Variants in MCM9 observed in about 807,000 individuals in gnomAD.
MCM9 encodes the protein minichromosome maintenance 9 homologous recombination repair factor.
A neutral mutation model predicts 72.8 loss-of-function variants in MCM9; 55 were observed. That is an observed-to-expected ratio of 0.76 (90% CI 0.61 to 0.95). The LOEUF (loss-of-function observed/expected upper bound fraction) is 0.95, where lower values mean the gene tolerates loss of function less well. MCM9 is among the 40% of genes least tolerant of loss of function. The probability of loss-of-function intolerance (pLI) is 0.00; values close to 1 mark genes in which losing one functional copy is unlikely to be tolerated. For missense variants in MCM9, 1,279 were observed against 1,377.0 expected (o/e 0.93, Z 1.13); for synonymous variants, 480 against 503.4 (o/e 0.95, Z 0.62).
chr6:118,854,366 T>C (rs1000105068), intron 9 of MCM9, among the ~76,000 whole-genome samples: 1 of 152,166 alleles, frequency 6.6e-6, no homozygotes, highest in African/African-American at 2.4e-5. Context: ...GTTGTTGTTG[T>C]TTTTAGACAG....
chr6:118,815,114 C>G lies in MCM9; in HGVS notation c.3142G>C (p.Gly1048Arg), dbSNP rs567816821. 9 of 1,550,412 alleles carry G rather than the reference C, an allele frequency of 5.8e-6. No homozygotes were observed. The highest frequency in any genetic ancestry group is 7.8e-6 in the Non-Finnish European group (9 of 1,146,970). Residue 1048 changes from glycine to arginine, a missense_variant, in exon 14 of 14, where the codon GGC (glycine) becomes CGC (arginine). Transcript: ENST00000619706. ...GCTAATGTGCAGGCATGAACCTTGCCGCTTTTATTACTGCCTGAAACCTCT... is the reference window on the plus strand; with the variant it reads ...GCTAATGTGCAGGCATGAACCTTGCGGCTTTTATTACTGCCTGAAACCTCT... ...KEEVSGSNKS[G>R]KVHACTLARL...
At chr6:118,817,090 T>C (rs1773455656) in intron 13 of MCM9, among the ~76,000 whole-genome samples, 1 of 151,962 alleles carries the variant, frequency 6.6e-6, no homozygotes, top group African/African-American at 2.4e-5. Context: ...ATCTTGGGCA[T>C]ATTAGAAACT....
At chr6:118,830,009 A>G (rs284918) in intron 9 of MCM9, among the ~76,000 whole-genome samples, 8,722 of 152,206 alleles carry the variant, frequency 0.057, 366 homozygotes, top group East Asian at 0.19. Context: ...AGGACTGTGG[A>G]CAGGATGCAG....
rs184477504 is a variant in MCM9 at position 118,897,785 on chromosome 6, C to G, written c.1150+13865G>C. On this transcript the variant is annotated intron_variant, in intron 8 of 13. Coordinates refer to ENST00000619706, the MANE Select transcript of MCM9 (RefSeq NM_017696.3). The stretch of plus-strand genomic sequence containing the variant: ...AAAACATCTGACCTTACCCTTCCTC[C>G]CTCAAATACAGGGGGCAGAGGAATT... Among the ~76,000 whole-genome samples, 145 of 151,950 alleles carry G rather than the reference C, an allele frequency of 9.5e-4. 1 individual carries two copies. The highest frequency in any genetic ancestry group is 3.3e-3 in the African/African-American group (138 of 41,422).
chr6:118,911,944 A>G (rs1474501079), intron 7 of MCM9, 175 bp from the exon 8 acceptor site: 2 of 474,688 alleles, frequency 4.2e-6, no homozygotes, highest in Non-Finnish European at 7.5e-6. Context: ...TTAATTGATT[A>G]CTCAATGTGA....
chr6:118,851,586 G>A (rs995767915), intron 9 of MCM9, among the ~76,000 whole-genome samples: 2 of 151,830 alleles, frequency 1.3e-5, no homozygotes, highest in Non-Finnish European at 2.9e-5. Flanking sequence ...CAAAGATCCT[G>A]TAATTCCTTT....
At chr6:118,843,688 G>A (rs867191435) in intron 9 of MCM9, among the ~76,000 whole-genome samples, 3,206 of 63,866 alleles carry the variant, frequency 0.05, 132 homozygotes, top group East Asian at 0.23. Context: ...ATATATATGT[G>A]TATATATATA....
chr6:118,818,389 CT>C (rs1289420997), intron 13 of MCM9, among the ~76,000 whole-genome samples: 1 of 152,148 alleles, frequency 6.6e-6, no homozygotes, highest in Non-Finnish European at 1.5e-5. Context: ...ATAGGGAATC[CT>C]TTCCCCCTTG....
chr6:118,910,142 A>C (rs1004375194), intron 8 of MCM9, among the ~76,000 whole-genome samples: 4 of 149,880 alleles, frequency 2.7e-5, no homozygotes, highest in Non-Finnish European at 4.4e-5. Context: ...AAAAGACTCC[A>C]TAACAAGTTT....
intron 8 of MCM9, among the ~76,000 whole-genome samples, chr6:118,867,981 A>T (rs1052030868): frequency 2.1e-4 from 32 of 150,384 alleles, no homozygotes; most frequent in African/African-American, 7.3e-4. Flanking sequence ...GGTTCAAGCA[A>T]TTCTCCTTCC....
At chr6:118,899,546 A>G (rs965513666) in intron 8 of MCM9, among the ~76,000 whole-genome samples, 2 of 152,182 alleles carry the variant, frequency 1.3e-5, no homozygotes, top group Non-Finnish European at 2.9e-5. Context: ...AGCACCCTGC[A>G]TCTGGAAGTG....
intron 9 of MCM9, among the ~76,000 whole-genome samples, chr6:118,840,615 T>C (rs373384709): frequency 6.6e-6 from 1 of 152,100 alleles, no homozygotes; most frequent in Non-Finnish European, 1.5e-5. Flanking sequence ...AAAAATTGTT[T>C]AGCATTTTTT....
chr6:118,896,046 T>G (rs114240013), intron 8 of MCM9, among the ~76,000 whole-genome samples: 3,543 of 148,926 alleles, frequency 0.024, 157 homozygotes, highest in African/African-American at 0.087. Context: ...CCCCCGTTTT[T>G]TTTTTTTTTT....
intron 8 of MCM9, among the ~76,000 whole-genome samples, chr6:118,875,755 G>A (rs765576755): frequency 3.0e-4 from 46 of 152,188 alleles, no homozygotes; most frequent in Non-Finnish European, 5.9e-4. Context: ...AGGATGTGGA[G>A]CAACAGGAAT....
intron 8 of MCM9, among the ~76,000 whole-genome samples, chr6:118,895,036 A>AAGGC (rs951721013): frequency 2.4e-4 from 37 of 151,946 alleles, no homozygotes; most frequent in Admixed American, 1.8e-3. Flanking sequence ...CCCCCGGCGA[A>AAGGC]AGGCAGGCAG....
chr6:118,843,020 T>TA (rs1775492812), intron 9 of MCM9, among the ~76,000 whole-genome samples: 1 of 152,198 alleles, frequency 6.6e-6, no homozygotes, highest in South Asian at 2.1e-4. Context: ...ATATTTTGGT[T>TA]ACTGACATAA....
intron 13 of MCM9, among the ~76,000 whole-genome samples, chr6:118,820,310 T>C (rs139654132): frequency 0.021 from 3,270 of 152,308 alleles, 56 homozygotes; most frequent in African/African-American, 0.05. Context: ...CCAGAGATTC[T>C]GGTATGTTTT....
At chr6:118,837,255 G>C (rs1282176375) in intron 9 of MCM9, among the ~76,000 whole-genome samples, 1 of 152,114 alleles carries the variant, frequency 6.6e-6, no homozygotes, top group Admixed American at 6.6e-5. Flanking sequence ...TCACTCTTTT[G>C]CATTTGCTGA....
At chr6:118,858,641 A>T (rs552537293) in intron 8 of MCM9, among the ~76,000 whole-genome samples, 9 of 152,318 alleles carry the variant, frequency 5.9e-5, no homozygotes, top group Admixed American at 3.3e-4. Context: ...AACTAGAACT[A>T]GTAAACGAGT....
Sources: gnomAD v4.1 joint callset for allele counts (sites outside exome capture counted in the v4.1 genomes callset) on GRCh38, gnomAD v4.1.1 for gene constraint, MANE v1.5 for transcripts, NCBI Gene and HGNC (gene_info 2026-07-23, HGNC 2026-07-21) for gene names.